ZNF649: variants seen among roughly 807,000 people sequenced by gnomAD.
ZNF649 encodes the protein zinc finger protein 649.
Under a neutral mutation model 14.1 loss-of-function variants are expected in ZNF649, and 7 were observed. That is an observed-to-expected ratio of 0.49 (90% CI 0.28 to 0.93). The LOEUF is 0.93. Among genes scored for constraint, ZNF649 ranks in the 40% least tolerant of loss-of-function variants. The pLI, the probability that ZNF649 is intolerant of heterozygous loss-of-function variation, is 0.10. For synonymous variants in ZNF649, 227 were observed against 212.3 expected (o/e 1.07, Z -0.60); for missense variants, 544 against 608.1 (o/e 0.89, Z 1.11).
Position 51,891,405 on chromosome 19 carries a change from T to A in ZNF649, c.731A>T (p.Tyr244Phe), listed in dbSNP as rs747869630. 1.2e-6 allele frequency: 2 copies of A among 1,614,100 alleles called. No individual in the cohort carries two copies. The highest frequency in any genetic ancestry group is 2.2e-5 in the East Asian group (1 of 44,872). ...HGCSLCGKAFYKRYRLTEHER... is the reference protein window; with the variant it reads ...HGCSLCGKAFFKRYRLTEHER... Reference sequence around the variant, plus strand: ...GTGTTCAGTGAGCCTGTACCTCTTGTAGAAGGCTTTCCCACACAAGCTACA... The same window carrying A: ...GTGTTCAGTGAGCCTGTACCTCTTGAAGAAGGCTTTCCCACACAAGCTACA... The change falls in exon 5 of 5, where the codon TAC (tyrosine) becomes TTC (phenylalanine). Residue 244 changes from tyrosine to phenylalanine, a missense_variant. By Grantham distance (22) the Tyr-to-Phe change is conservative (BLOSUM62 3). Coordinates refer to ENST00000354957, the MANE Select transcript of ZNF649 (RefSeq NM_023074.4). The surrounding 1 kb of genome is among the most constrained non-coding windows in gnomAD (Gnocchi z 4.2).
chr19:51,890,538 T>C lies in ZNF649; in HGVS notation c.*80A>G. Reference sequence around the variant, plus strand: ...TTGTAAACCCTACTATACATATTAGTGCAGGGAGCCAAAGGCCCATGGGAC... The same window carrying C: ...TTGTAAACCCTACTATACATATTAGCGCAGGGAGCCAAAGGCCCATGGGAC... On this transcript the variant is annotated 3_prime_UTR_variant, in exon 5 of 5. Transcript: ENST00000354957. 2 of 891,374 alleles carry C rather than the reference T, an allele frequency of 2.2e-6. No homozygotes were observed. Among genetic ancestry groups the C allele is most frequent in the Non-Finnish European group, 3.5e-6 (2 of 565,880 alleles). The allele number at this position is 891,374 out of a possible 1,614,324, so 55.2% of individuals were successfully genotyped here.
chr19:51,893,593 A>C (rs191671644), intron 4 of ZNF649, among the ~76,000 whole-genome samples: 2 of 152,342 alleles, frequency 1.3e-5, no homozygotes. Flanking sequence ...ATGGACTTTC[A>C]GAACATGCAA....
At chr19:51,898,132 C>T (rs918797419) in intron 2 of ZNF649, among the ~76,000 whole-genome samples, 1 of 148,682 alleles carries the variant, frequency 6.7e-6, no homozygotes, top group Non-Finnish European at 1.5e-5. Context: ...ATCTGTGGTT[C>T]TTTCTGACAC....
chr19:51,893,048 C>G (rs558657339), intron 4 of ZNF649, among the ~76,000 whole-genome samples: 9 of 152,294 alleles, frequency 5.9e-5, no homozygotes, highest in African/African-American at 2.2e-4. Context: ...TCACCCCCAA[C>G]AGCATTCCAC....
At chr19:51,901,612 T>C (rs1184448890) in intron 1 of ZNF649, among the ~76,000 whole-genome samples, 1 of 151,886 alleles carries the variant, frequency 6.6e-6, no homozygotes, top group Admixed American at 6.6e-5. Context: ...ACCACTGCAC[T>C]CTAGCCTGGG....
intron 4 of ZNF649, among the ~76,000 whole-genome samples, chr19:51,893,762 T>A (rs973742131): frequency 3.3e-5 from 5 of 152,196 alleles, no homozygotes; most frequent in Admixed American, 1.3e-4. Context: ...ACTAACAGCC[T>A]CTACTCTCTG....
intron 3 of ZNF649, 122 bp from the exon 4 acceptor site, chr19:51,896,689 T>A (rs976445952): frequency 6.4e-7 from 1 of 1,567,520 alleles, no homozygotes; most frequent in African/African-American, 1.4e-5. Flanking sequence ...AAAGGCTTTT[T>A]TTCTAAGACG....
chr19:51,892,251 C>T (rs2122757991), intron 4 of ZNF649, among the ~76,000 whole-genome samples: 1 of 152,092 alleles, frequency 6.6e-6, no homozygotes, highest in East Asian at 1.9e-4. Flanking sequence ...TGGCACGTGC[C>T]TGTAGTCCCA....
At chr19:51,904,553 C>A (rs544351254) in intron 1 of ZNF649, among the ~76,000 whole-genome samples, 119 of 152,252 alleles carry the variant, frequency 7.8e-4, no homozygotes, top group African/African-American at 2.8e-3. Context: ...ACACCACACA[C>A]CCTCGTACGC....
At position 51,891,392 on chromosome 19, in the gene ZNF649, C is replaced by T; in HGVS notation, c.744G>A (p.Arg248=). Residue 248 remains arginine, a synonymous_variant, in exon 5 of 5, where the codon AGG becomes AGA. Transcript: ENST00000354957. The surrounding 1 kb of genome is among the most constrained non-coding windows in gnomAD (Gnocchi z 4.2). ...TGTGAGCTCTCTCGTGTTCAGTGAGCCTGTACCTCTTGTAGAAGGCTTTCC... is the reference window on the plus strand; with the variant it reads ...TGTGAGCTCTCTCGTGTTCAGTGAGTCTGTACCTCTTGTAGAAGGCTTTCC... ...LCGKAFYKRY[R]LTEHERAHKG... is the part of the protein sequence containing the mutation. 1 of 1,614,088 alleles carries T rather than the reference C, an allele frequency of 6.2e-7. No homozygotes were observed. The highest frequency in any genetic ancestry group is 1.1e-5 in the South Asian group (1 of 91,082).
intron 4 of ZNF649, among the ~76,000 whole-genome samples, chr19:51,892,764 T>C (rs2085032768): frequency 6.6e-6 from 1 of 152,196 alleles, no homozygotes; most frequent in Non-Finnish European, 1.5e-5. Flanking sequence ...CTCTAACCTT[T>C]GTTAAAACAG....
chr19:51,890,436 A>G lies in ZNF649; in HGVS notation c.*182T>C. 1.8e-6 allele frequency: 1 copy of G among 550,326 alleles called. No homozygotes were observed. Among genetic ancestry groups the G allele is most frequent in the Non-Finnish European group, 3.2e-6 (1 of 314,840 alleles). 34.1% of individuals were successfully genotyped at this position (550,326 alleles called of 1,614,324 possible). On this transcript the variant is annotated 3_prime_UTR_variant, in exon 5 of 5. Coordinates refer to ENST00000354957, the MANE Select transcript of ZNF649 (RefSeq NM_023074.4). ...TCCCCAGCCAAACTCTATGATCAAGATAGTAAATGAAAAACAATATTGTGG... is the reference window on the plus strand; with the variant it reads ...TCCCCAGCCAAACTCTATGATCAAGGTAGTAAATGAAAAACAATATTGTGG...
chr19:51,897,154 TAC>T (rs2085067763), intron 2 of ZNF649, 176 bp from the exon 3 acceptor site: 1 of 783,290 alleles, frequency 1.3e-6, no homozygotes, highest in Admixed American at 2.7e-5. Flanking sequence ...ACTCATGACC[TAC>T]AGTTGGCCTA....
chr19:51,903,526 G>A (rs9973239), intron 1 of ZNF649, among the ~76,000 whole-genome samples: 38,032 of 152,034 alleles, frequency 0.25, 7,306 homozygotes, highest in African/African-American at 0.54. Context: ...CTTATAAATC[G>A]TAACAATCAT....
At chr19:51,898,245 C>T (rs57298110) in intron 2 of ZNF649, among the ~76,000 whole-genome samples, 3,243 of 152,198 alleles carry the variant, frequency 0.021, 120 homozygotes, top group African/African-American at 0.074. Flanking sequence ...TATCATCAGA[C>T]TCTGCAGGTT....
At position 51,891,154 on chromosome 19, in the gene ZNF649, T is replaced by C. The variant is rs777816350; in HGVS notation, c.982A>G (p.Ile328Val). 3 of 1,614,108 alleles carry C rather than the reference T, an allele frequency of 1.9e-6. No homozygotes were observed. The highest frequency in any genetic ancestry group is 1.7e-6 in the Non-Finnish European group (2 of 1,180,046). ...TGTATGTTGAGATTGCCCTTCTGAA[T>C]GAAGCCTTTTCCACATTCACTGCAT... ...HTCSECGKGFIQKGNLNIHQR... is the reference protein window; with the variant it reads ...HTCSECGKGFVQKGNLNIHQR... Residue 328 changes from isoleucine to valine, a missense_variant, in exon 5 of 5, where the codon ATT becomes GTT. Transcript: ENST00000354957. The surrounding 1 kb of genome is among the most constrained non-coding windows in gnomAD (Gnocchi z 4.2).
At chr19:51,903,844 C>T (rs2085108457) in intron 1 of ZNF649, among the ~76,000 whole-genome samples, 1 of 151,258 alleles carries the variant, frequency 6.6e-6, no homozygotes, top group African/African-American at 2.4e-5. Context: ...CTTTGATCCC[C>T]AAATGCTCAA....
chr19:51,901,071 A>G (rs2085091677), intron 1 of ZNF649, among the ~76,000 whole-genome samples: 1 of 151,670 alleles, frequency 6.6e-6, no homozygotes, highest in Admixed American at 6.5e-5. Context: ...CACACAGGAT[A>G]CACTTAATTC....
chr19:51,896,663 T>G (rs2085064550), intron 3 of ZNF649, 96 bp from the exon 4 acceptor site: 1 of 1,540,670 alleles, frequency 6.5e-7, no homozygotes, highest in Admixed American at 1.7e-5. Flanking sequence ...CTGCATAATT[T>G]GCATGTTAGC....
Sources: gnomAD v4.1 joint callset for allele counts (sites outside exome capture counted in the v4.1 genomes callset) on GRCh38, gnomAD v4.1.1 for gene constraint, Gnocchi (gnomAD v3.1) non-coding constraint, MANE v1.5 for transcripts, NCBI Gene and HGNC (gene_info 2026-07-23, HGNC 2026-07-21) for gene names.